ARL14EPL: variants seen among roughly 807,000 people sequenced by gnomAD.
ARL14EPL encodes the protein ARF like GTPase 14 effector protein like, also known as ARL14 effector protein-like.
In ARL14EPL, 17 loss-of-function variants were observed where a neutral mutation model predicts 15.9. The observed-to-expected ratio is 1.07, with a 90% CI of 0.73 to 1.60. The LOEUF is 1.60. Among genes scored for constraint, ARL14EPL ranks in the 40% most tolerant of loss-of-function variants. The pLI is 0.00. For synonymous variants in ARL14EPL, 78 were observed against 63.8 expected, an observed-to-expected ratio of 1.22 and a Z score of -1.06; for missense variants, 214 against 185.9, an observed-to-expected ratio of 1.15 and a Z score of -0.88.
chr5:116,051,930 C>A, intron 2 of ARL14EPL: 2 of 1,599,458 alleles, frequency 1.3e-6, no homozygotes, highest in Non-Finnish European at 1.7e-6. Flanking sequence ...TCACCAGCAG[C>A]TGGAGCATCT....
intron 1 of ARL14EPL, among the ~76,000 whole-genome samples, chr5:116,039,175 C>G (rs1304428821): frequency 6.6e-6 from 1 of 152,116 alleles, no homozygotes; most frequent in Non-Finnish European, 1.5e-5. Flanking sequence ...AGGTCCCGAA[C>G]AGGGTTTGGT....
intron 1 of ARL14EPL, among the ~76,000 whole-genome samples, chr5:116,049,648 T>A (rs554070003): frequency 6.6e-6 from 1 of 152,304 alleles, no homozygotes; most frequent in South Asian, 2.1e-4. Flanking sequence ...TCCTTGCCCT[T>A]GTGATCTTTT....
rs1448643566 is a variant in ARL14EPL, at chr5:116,045,768, GTGTGTGTGTGTGTA to G, written c.-9-5683_-9-5670del. On this transcript the variant is annotated intron_variant, in intron 1 of 3. Coordinates refer to ENST00000686077, the MANE Select transcript of ARL14EPL (RefSeq NM_001195581.2). ...GAAGTGTGTGTGTGTGTGTGTGTGT[GTGTGTGTGTGTGTA>G]TGTGTACGAAAATACAACTACAAAA... Among the ~76,000 whole-genome samples the G allele has an allele frequency of 2.8e-4, 29 of 104,740 alleles. 1 individual carries two copies. The highest frequency in any genetic ancestry group is 7.5e-4 in the East Asian group (3 of 3,980). 68.7% of individuals were successfully genotyped at this position (104,740 alleles called of 152,430 possible).
chr5:116,043,176 G>A (rs1227857092), intron 1 of ARL14EPL, among the ~76,000 whole-genome samples: 1 of 150,024 alleles, frequency 6.7e-6, no homozygotes, highest in African/African-American at 2.4e-5. Context: ...AATAAATTTA[G>A]TTTGGTGCAA....
Position 116,040,979 on chromosome 5 carries a change from C to CAAAA in ARL14EPL, c.-10+8485_-10+8488dup, listed in dbSNP as rs56060606. Among the ~76,000 whole-genome samples, 23 of 66,162 alleles carry CAAAA rather than the reference C, an allele frequency of 3.5e-4. 2 individuals carry two copies. The highest frequency in any genetic ancestry group is 0.017 in the Middle Eastern group (2 of 116). 43.4% of individuals were successfully genotyped at this position (66,162 alleles called of 152,430 possible). A position where few individuals can be genotyped will look rare whatever the true frequency, so the allele number is the denominator to read the frequency against. Reference sequence around the variant, plus strand: ...TGGGAGACAGAACGAGATTCCCTCTCAAAAAAAAAAAAAAGTTTTTATGCT... The same window carrying CAAAA: ...TGGGAGACAGAACGAGATTCCCTCTCAAAAAAAAAAAAAAAAAAGTTTTTATGCT... On this transcript the variant is annotated intron_variant, in intron 1 of 3. Transcript: ENST00000686077.
chr5:116,058,827 G>C lies in ARL14EPL; in HGVS notation c.339G>C (p.Pro113=). ...GCCTGGGCTGCTTCTACCCATGCCC[G>C]AAGTGTAACTCCAACAAGTGTGGGC... ...KNCLGCFYPC[P]KCNSNKCGPE... is the part of the protein sequence containing the mutation. Residue 113 remains proline (P), a synonymous_variant, in exon 4 of 4, where the codon CCG becomes CCC. Coordinates refer to ENST00000686077, the MANE Select transcript of ARL14EPL (RefSeq NM_001195581.2). 1 of 1,536,026 alleles carries C rather than the reference G, an allele frequency of 6.5e-7. No homozygotes were observed. The highest frequency in any genetic ancestry group is 8.7e-7 in the Non-Finnish European group (1 of 1,146,878).
intron 1 of ARL14EPL, among the ~76,000 whole-genome samples, chr5:116,043,321 C>A (rs150875105): frequency 1.6e-4 from 24 of 151,846 alleles, no homozygotes; most frequent in Non-Finnish European, 2.5e-4. Flanking sequence ...CTAAGGAGTG[C>A]TTTAGTATGT....
chr5:116,042,531 C>A (rs546719415), intron 1 of ARL14EPL, among the ~76,000 whole-genome samples: 1 of 152,178 alleles, frequency 6.6e-6, no homozygotes, highest in African/African-American at 2.4e-5. Flanking sequence ...CACAGTAGAA[C>A]AGCAGCTTGT....
chr5:116,040,006 T>C (rs1580411079), intron 1 of ARL14EPL, among the ~76,000 whole-genome samples: 2 of 152,370 alleles, frequency 1.3e-5, no homozygotes, highest in South Asian at 2.1e-4. Flanking sequence ...ATTATTTTAA[T>C]GACTACTTCA....
intron 1 of ARL14EPL, among the ~76,000 whole-genome samples, chr5:116,043,799 C>G (rs1580412688): frequency 6.6e-6 from 1 of 152,068 alleles, no homozygotes; most frequent in Non-Finnish European, 1.5e-5. Flanking sequence ...GAAAATTTTC[C>G]TCTGTCTAGT....
chr5:116,051,885 C>T, intron 2 of ARL14EPL: 4 of 1,320,796 alleles, frequency 3.0e-6, no homozygotes, highest in Non-Finnish European at 4.2e-6. Context: ...TTTATTTTTC[C>T]AAATGTACAG....
At chr5:116,038,897 C>T (rs191458995) in intron 1 of ARL14EPL, among the ~76,000 whole-genome samples, 2 of 150,638 alleles carry the variant, frequency 1.3e-5, no homozygotes, top group East Asian at 2.0e-4. Context: ...TTAAGTGGCT[C>T]ACCATGAGAG....
chr5:116,052,794 A>G (rs1261679592), intron 2 of ARL14EPL, among the ~76,000 whole-genome samples: 1 of 152,130 alleles, frequency 6.6e-6, no homozygotes, highest in Non-Finnish European at 1.5e-5. Flanking sequence ...TTCTGTTACT[A>G]ATTTGTTACA....
chr5:116,055,702 G>T (rs1225585677), intron 3 of ARL14EPL, among the ~76,000 whole-genome samples: 2 of 151,634 alleles, frequency 1.3e-5, no homozygotes, highest in Non-Finnish European at 2.9e-5. Flanking sequence ...CAATGTGCAG[G>T]TTTGTTACAC....
At chr5:116,049,846 A>T (rs1046467181) in intron 1 of ARL14EPL, among the ~76,000 whole-genome samples, 10 of 152,282 alleles carry the variant, frequency 6.6e-5, no homozygotes, top group African/African-American at 2.4e-4. Context: ...TATAAATTAC[A>T]TTTTTTCACA....
chr5:116,053,845 T>A (rs1468948327), intron 2 of ARL14EPL, among the ~76,000 whole-genome samples, 169 bp from the exon 3 acceptor site: 2 of 152,210 alleles, frequency 1.3e-5, no homozygotes, highest in Non-Finnish European at 2.9e-5. Context: ...CTTGAGAAAA[T>A]GTACACCATC....
intron 3 of ARL14EPL, among the ~76,000 whole-genome samples, chr5:116,055,621 G>C (rs2112681706): frequency 6.6e-6 from 1 of 151,254 alleles, no homozygotes; most frequent in East Asian, 2.0e-4. Flanking sequence ...AAACAAGGAA[G>C]TGACTTTATA....
chr5:116,048,956 G>A (rs1035133342), intron 1 of ARL14EPL, among the ~76,000 whole-genome samples: 3 of 152,184 alleles, frequency 2.0e-5, no homozygotes, highest in African/African-American at 7.2e-5. Context: ...TCTCATTTAT[G>A]ATCAGGTTAT....
intron 1 of ARL14EPL, among the ~76,000 whole-genome samples, chr5:116,048,290 G>A (rs1028746599): frequency 6.6e-6 from 1 of 152,084 alleles, no homozygotes; most frequent in African/African-American, 2.4e-5. Flanking sequence ...ATGGCTTCTA[G>A]CCTGCTTGAA....
Sources: gnomAD v4.1 joint callset for allele counts (sites outside exome capture counted in the v4.1 genomes callset) on GRCh38, gnomAD v4.1.1 for gene constraint, MANE v1.5 for transcripts, NCBI Gene and HGNC (gene_info 2026-07-23, HGNC 2026-07-21) for gene names.